Variants in FMNL2 observed in about 807,000 individuals in gnomAD.
The protein encoded by FMNL2 is formin like 2, also known as formin-like protein 2.
FMNL2 carries 51 observed loss-of-function variants against 130.2 expected under a neutral mutation model. The observed-to-expected ratio is 0.39, with a 90% CI of 0.31 to 0.49. The LOEUF (loss-of-function observed/expected upper bound fraction) is 0.49. FMNL2 is among the 20% of genes least tolerant of loss of function. FMNL2 has a pLI of 0.85. For missense variants in FMNL2, 977 were observed against 1,316.2 expected, an observed-to-expected ratio of 0.74 and a Z score of 3.99; for synonymous variants, 465 against 467.1, an observed-to-expected ratio of 1.00 and a Z score of 0.06.
At chr2:152,453,764 G>A (rs1688789043) in intron 1 of FMNL2, among the ~76,000 whole-genome samples, 1 of 152,198 alleles carries the variant, frequency 6.6e-6, no homozygotes, top group African/African-American at 2.4e-5. Flanking sequence ...GCCATTATAA[G>A]CAGAGAGTGA....
intron 1 of FMNL2, among the ~76,000 whole-genome samples, chr2:152,396,014 T>G (rs1558826141): frequency 6.6e-6 from 1 of 152,214 alleles, no homozygotes; most frequent in African/African-American, 2.4e-5. Context: ...CTTGCTTAAG[T>G]GTATTTGTCA....
intron 1 of FMNL2, among the ~76,000 whole-genome samples, chr2:152,435,360 A>G (rs574603770): frequency 6.6e-6 from 1 of 152,224 alleles, no homozygotes; most frequent in African/African-American, 2.4e-5. Flanking sequence ...TGTAAAAATC[A>G]TTCAGAAAAT....
chr2:152,382,704 A>G (rs1027686309), intron 1 of FMNL2, among the ~76,000 whole-genome samples: 1 of 152,196 alleles, frequency 6.6e-6, no homozygotes, highest in African/African-American at 2.4e-5. Context: ...AATTAGCTTG[A>G]TTGTGGTAAT....
intron 6 of FMNL2, among the ~76,000 whole-genome samples, chr2:152,562,445 C>G (rs1490026705): frequency 6.6e-6 from 1 of 152,208 alleles, no homozygotes; most frequent in South Asian, 2.1e-4. Context: ...GTCTAATTAC[C>G]TCTTGTCCCT....
chr2:152,526,190 A>G (rs910995328), intron 2 of FMNL2, among the ~76,000 whole-genome samples: 2 of 152,186 alleles, frequency 1.3e-5, no homozygotes, highest in Admixed American at 6.5e-5. Context: ...CCTGTGGGCC[A>G]TTCCAGGTAA....
rs971504385 is a variant in FMNL2 at position 152,649,385 on chromosome 2, T to A, written c.*1480T>A. 1.4e-4 allele frequency: 21 copies of A among 152,500 alleles called. No homozygotes were observed. Among genetic ancestry groups the A allele is most frequent in the African/African-American group, 3.4e-4 (14 of 41,444 alleles). The allele number at this position is 152,500 out of a possible 1,614,324, so 9.4% of individuals were successfully genotyped here. A position where few individuals can be genotyped will look rare whatever the true frequency, so the allele number is the denominator to read the frequency against. On this transcript the variant is annotated 3_prime_UTR_variant, in exon 26 of 26. Transcript: ENST00000288670. Reference sequence around the variant, plus strand: ...TGTTATTTTAACTTATAGTTTTTTTTAATATATATATTTAACTATAAGGAC... The same window carrying A: ...TGTTATTTTAACTTATAGTTTTTTTAAATATATATATTTAACTATAAGGAC...
chr2:152,526,396 CT>C (rs2105422870), intron 2 of FMNL2, among the ~76,000 whole-genome samples: 1 of 152,284 alleles, frequency 6.6e-6, no homozygotes, highest in South Asian at 2.1e-4. Flanking sequence ...CCTTTCCCTC[CT>C]TTTTGCTCCT....
rs553540484 is a variant in FMNL2, at chr2:152,351,017, C to T, written c.117+15297C>T. On this transcript the variant is annotated intron_variant, in intron 1 of 25. Coordinates refer to ENST00000288670, the MANE Select transcript of FMNL2 (RefSeq NM_052905.4). ...CTGAGATCACACCACTGCACTCCAG[C>T]CTGGGTAACAGAGTGAGACTCTTTC... Among the ~76,000 whole-genome samples the T allele has an allele frequency of 2.6e-5, 4 of 152,160 alleles. No homozygotes were observed. In the East Asian group the frequency reaches 5.8e-4, roughly 22 times the overall value.
intron 1 of FMNL2, among the ~76,000 whole-genome samples, chr2:152,437,633 G>A (rs1278267855): frequency 1.3e-5 from 2 of 152,114 alleles, no homozygotes; most frequent in Non-Finnish European, 2.9e-5. Context: ...GTGTGAAACT[G>A]ACTATATTTT....
chr2:152,561,010 C>T lies in FMNL2; in HGVS notation c.571C>T (p.Arg191Cys), dbSNP rs377550607. 22 of 1,601,406 alleles carry T rather than the reference C, an allele frequency of 1.4e-5. No homozygotes were observed. The highest frequency in any genetic ancestry group is 4.5e-5 in the South Asian group (4 of 89,000). Residue 191 changes from arginine to cysteine, a missense_variant, in exon 6 of 26, where the codon CGC becomes TGC. Arg to Cys is a radical substitution (Grantham distance 180). Coordinates refer to ENST00000288670, the MANE Select transcript of FMNL2 (RefSeq NM_052905.4). ...LPSPVGNSVS[R>C]SGRHSALRYN... is the part of the protein sequence containing the mutation. ...CTCACCTGTGGGCAACAGTGTCTCC[C>T]GCTCTGGAAGACATTCTGCACTGCG...
At chr2:152,625,102 G>T (rs1681686785) in intron 15 of FMNL2, 1 of 219,818 alleles carries the variant, frequency 4.5e-6, no homozygotes, top group African/African-American at 2.2e-5. Context: ...AATAATCTTT[G>T]CTCTCCAACA....
chr2:152,417,919 T>A (rs1411304348), intron 1 of FMNL2, among the ~76,000 whole-genome samples: 1 of 152,110 alleles, frequency 6.6e-6, no homozygotes, highest in Non-Finnish European at 1.5e-5. Flanking sequence ...CTGATCTCGC[T>A]GATTGAACCT....
chr2:152,562,008 C>A (rs1357301530), intron 6 of FMNL2, among the ~76,000 whole-genome samples: 1 of 152,154 alleles, frequency 6.6e-6, no homozygotes, highest in African/African-American at 2.4e-5. Flanking sequence ...TGAGGTTGTT[C>A]ATTCACTCAT....
At chr2:152,515,229 C>G (rs575825532) in intron 1 of FMNL2, among the ~76,000 whole-genome samples, 1 of 152,136 alleles carries the variant, frequency 6.6e-6, no homozygotes, top group Non-Finnish European at 1.5e-5. Flanking sequence ...GAGGTTCTGT[C>G]GGATTATTTG....
Position 152,367,986 on chromosome 2 carries a change from T to C in FMNL2, c.117+32266T>C, listed in dbSNP as rs181462348. Among the ~76,000 whole-genome samples the C allele has an allele frequency of 5.7e-4, 87 of 152,310 alleles. 1 individual carries two copies. The East Asian group carries it at 0.015, about 27-fold the overall frequency. ...TTCTTGGTTCGTGTTCTTGACCTAC[T>C]GAGCCAGTCTACGTATTAACAAGAT... On this transcript the variant is annotated intron_variant, in intron 1 of 25. Coordinates refer to ENST00000288670, the MANE Select transcript of FMNL2 (RefSeq NM_052905.4).
intron 1 of FMNL2, among the ~76,000 whole-genome samples, chr2:152,453,208 AGGGGGTGGGGGT>A (rs202239019): frequency 2.1e-5 from 1 of 48,294 alleles, no homozygotes; most frequent in Non-Finnish European, 4.4e-5. Flanking sequence ...TCTTGGCGTC[AGGGGGTGGGGGT>A]GGGGGTGGGG....
At chr2:152,386,837 G>A (rs1477980204) in intron 1 of FMNL2, among the ~76,000 whole-genome samples, 4 of 152,082 alleles carry the variant, frequency 2.6e-5, no homozygotes, top group Non-Finnish European at 4.4e-5. Flanking sequence ...TAGCAATGCC[G>A]GAAGAAGTAG....
intron 1 of FMNL2, among the ~76,000 whole-genome samples, chr2:152,506,135 T>C (rs925828663): frequency 6.6e-6 from 1 of 152,206 alleles, no homozygotes; most frequent in Non-Finnish European, 1.5e-5. Flanking sequence ...CCTAGGGAAA[T>C]ATCTCGTTTT....
intron 1 of FMNL2, among the ~76,000 whole-genome samples, chr2:152,447,195 G>C (rs1440730732): frequency 6.6e-6 from 1 of 151,874 alleles, no homozygotes; most frequent in Non-Finnish European, 1.5e-5. Flanking sequence ...TGATCTCCCA[G>C]GTTCTAGCAA....
Sources: allele counts gnomAD v4.1 joint callset (sites outside exome capture counted in the v4.1 genomes callset), GRCh38; gene constraint gnomAD v4.1.1; transcripts MANE v1.5; gene names NCBI Gene and HGNC (gene_info 2026-07-23, HGNC 2026-07-21).